Variants in PKD1L1 observed in about 807,000 individuals in gnomAD.
PKD1L1 encodes the protein polycystin 1 like 1, transient receptor potential channel interacting.
PKD1L1 carries 236 observed loss-of-function variants against 323.4 expected under a neutral mutation model. The observed-to-expected ratio is 0.73, with a 90% CI of 0.66 to 0.81. The LOEUF is 0.81. PKD1L1 is among the 40% of genes least tolerant of loss of function. The pLI is 0.00. For missense variants in PKD1L1, 3,320 were observed against 3,508.0 expected (o/e 0.95, Z 1.35); for synonymous variants, 1,344 against 1,335.0 (o/e 1.01, Z -0.15).
At chr7:47,959,742 A>G in the PKD1L1 span, among the ~76,000 whole-genome samples, 3 of 131,310 alleles carry the variant, frequency 2.3e-5, no homozygotes, top group Non-Finnish European at 3.3e-5. Flanking sequence ...TCCGGGAGGG[A>G]GGTGGAGGGG....
chr7:47,908,308 T>G (rs1787251800), intron 8 of PKD1L1, 58 bp from the exon 9 acceptor site: 2 of 1,499,652 alleles, frequency 1.3e-6, no homozygotes, highest in East Asian at 4.5e-5. Flanking sequence ...GCATAACAGT[T>G]AACATTTGTA....
intron 1 of PKD1L1, among the ~76,000 whole-genome samples, chr7:47,947,484 C>A (rs1298754468): frequency 6.6e-6 from 1 of 152,186 alleles, no homozygotes. Context: ...ACAGCGGTGA[C>A]CCACCTGGGT....
At chr7:47,857,947 G>C (rs1785942399) in intron 27 of PKD1L1, 115 bp from the exon 28 acceptor site, 2 of 976,472 alleles carry the variant, frequency 2.0e-6, no homozygotes, top group Non-Finnish European at 3.0e-6. Context: ...AAGTTAGATT[G>C]GATGGCAGGA....
chr7:47,853,378 T>C (rs183858649), intron 30 of PKD1L1, 151 bp from the exon 31 acceptor site: 1 of 623,122 alleles, frequency 1.6e-6, no homozygotes, highest in African/African-American at 1.8e-5. Context: ...TCAATGTGCT[T>C]AATTCCACAA....
intron 19 of PKD1L1, 112 bp downstream of exon 19, chr7:47,884,486 T>A (rs2128747500): frequency 2.1e-6 from 2 of 932,152 alleles, no homozygotes; most frequent in East Asian, 5.1e-5. Context: ...TCCCTGTGAT[T>A]CTGTGGAGCT....
At chr7:47,823,208 C>A (rs193010780) in intron 45 of PKD1L1, among the ~76,000 whole-genome samples, 10 of 152,244 alleles carry the variant, frequency 6.6e-5, no homozygotes, top group African/African-American at 2.4e-4. Context: ...TTCATAGATA[C>A]CCTTTATTAG....
rs1304015409 is a variant in PKD1L1, at chr7:47,885,811, A to G, written c.3080T>C (p.Val1027Ala). 1.2e-6 allele frequency: 2 copies of G among 1,614,034 alleles called. No homozygotes were observed. Among genetic ancestry groups the G allele is most frequent in the Non-Finnish European group, 1.7e-6 (2 of 1,180,028 alleles). ...YWIPPAGDSA[V>A]LGEAPEEGSL... Reference sequence around the variant, plus strand: ...ACCTTCCTCTGGAGCCTCCCCCAGGACTGCAGAGTCCCCCGCAGGAGGAAT... The same window carrying G: ...ACCTTCCTCTGGAGCCTCCCCCAGGGCTGCAGAGTCCCCCGCAGGAGGAAT... Residue 1027 changes from valine (V) to alanine (A), a missense_variant, in exon 18 of 57, where the codon GTC becomes GCC. Physicochemically the swap from Val to Ala is moderately conservative, Grantham distance 64. Coordinates refer to ENST00000289672, the MANE Select transcript of PKD1L1 (RefSeq NM_138295.5).
intron 24 of PKD1L1, among the ~76,000 whole-genome samples, chr7:47,867,531 A>G (rs1012467252): frequency 1.3e-5 from 2 of 152,244 alleles, no homozygotes; most frequent in African/African-American, 4.8e-5. Context: ...CCAGTTATCA[A>G]TGAAAAATTA....
intron 3 of PKD1L1, among the ~76,000 whole-genome samples, chr7:47,937,381 T>C (rs1291910559): frequency 6.6e-6 from 1 of 152,034 alleles, no homozygotes; most frequent in Non-Finnish European, 1.5e-5. Flanking sequence ...GAGGCACACC[T>C]GCTTCACTGC....
At position 47,812,012 on chromosome 7, in the gene PKD1L1, G is replaced by T. The variant is rs1394786447; in HGVS notation, c.7386C>A (p.Ser2462Arg). The T allele has an allele frequency of 2.5e-6, 4 of 1,581,628 alleles. No individual in the cohort carries two copies. Among genetic ancestry groups the T allele is most frequent in the Non-Finnish European group, 3.4e-6 (4 of 1,163,676 alleles). Residue 2462 changes from serine (S) to arginine (R), a missense_variant, in exon 50 of 57, where the codon AGC becomes AGA. By Grantham distance (110) the Ser-to-Arg change is moderately radical. Coordinates refer to ENST00000289672, the MANE Select transcript of PKD1L1 (RefSeq NM_138295.5). ...AHTALSRLRA[S>R]MWIDRSTRAV... The stretch of plus-strand genomic sequence containing the variant: ...CCCTGGTGCTGCGGTCAATCCACAT[G>T]CTGGCCCTGAGTCGGGACAGGGCTG...
Position 47,877,632 on chromosome 7 carries a change from C to T in PKD1L1, c.3521-1G>A. On this transcript the variant is annotated splice_acceptor_variant, in intron 21 of 56. Coordinates refer to ENST00000289672, the MANE Select transcript of PKD1L1 (RefSeq NM_138295.5). LOFTEE classifies it high-confidence loss of function. Reference sequence around the variant, plus strand: ...TTACCCAGTAAGCCATGCTTCGAAGCTAAAGAGAAAGATGAAGCAGCGGTT... The same window carrying T: ...TTACCCAGTAAGCCATGCTTCGAAGTTAAAGAGAAAGATGAAGCAGCGGTT... 1 of 1,613,156 alleles carries T rather than the reference C, an allele frequency of 6.2e-7. No individual in the cohort carries two copies. Among genetic ancestry groups the T allele is most frequent in the Non-Finnish European group, 8.5e-7 (1 of 1,179,494 alleles).
chr7:47,907,613 A>C (rs1175195634), intron 9 of PKD1L1, among the ~76,000 whole-genome samples: 1 of 152,176 alleles, frequency 6.6e-6, no homozygotes, highest in Non-Finnish European at 1.5e-5. Flanking sequence ...CTCAGTGAGC[A>C]CCGGATGCTT....
At chr7:47,817,158 G>A (rs532414818) in intron 46 of PKD1L1, among the ~76,000 whole-genome samples, 20 of 152,284 alleles carry the variant, frequency 1.3e-4, no homozygotes, top group Non-Finnish European at 2.4e-4. Context: ...TTGAACCCAG[G>A]AGGCAGAGGT....
intron 22 of PKD1L1, 60 bp from the exon 23 acceptor site, chr7:47,876,277 C>A: frequency 6.4e-7 from 1 of 1,554,880 alleles, no homozygotes; most frequent in Non-Finnish European, 8.8e-7. Context: ...AATGATATCA[C>A]AATACATACA....
chr7:47,882,304 C>T (rs978676811), intron 19 of PKD1L1, among the ~76,000 whole-genome samples: 14 of 139,666 alleles, frequency 1.0e-4, no homozygotes, highest in Non-Finnish European at 2.2e-4. Flanking sequence ...CTCCCTCCCT[C>T]CCTTCCTATC....
At chr7:47,915,034 A>G (rs954412007) in intron 8 of PKD1L1, among the ~76,000 whole-genome samples, 10 of 152,250 alleles carry the variant, frequency 6.6e-5, no homozygotes, top group African/African-American at 2.4e-4. Context: ...CATTAAAACT[A>G]GAAATTAATA....
intron 24 of PKD1L1, among the ~76,000 whole-genome samples, chr7:47,871,282 A>C (rs894962452): frequency 6.6e-6 from 1 of 152,188 alleles, no homozygotes; most frequent in Non-Finnish European, 1.5e-5. Flanking sequence ...AAAATACCTG[A>C]GACTGGGTAA....
chr7:47,899,260 G>C (rs1787024762), intron 13 of PKD1L1, among the ~76,000 whole-genome samples: 1 of 152,122 alleles, frequency 6.6e-6, no homozygotes, highest in African/African-American at 2.4e-5. Context: ...TATGACCCTG[G>C]TAGTCTTTTA....
intron 16 of PKD1L1, among the ~76,000 whole-genome samples, chr7:47,889,219 A>T (rs1236902120): frequency 6.6e-6 from 1 of 152,134 alleles, no homozygotes; most frequent in South Asian, 2.1e-4. Context: ...ATAGGCCTGG[A>T]CCTTCCTGAC....
Sources: gnomAD v4.1 joint callset for allele counts (sites outside exome capture counted in the v4.1 genomes callset) on GRCh38, gnomAD v4.1.1 for gene constraint, MANE v1.5 for transcripts, NCBI Gene and HGNC (gene_info 2026-07-23, HGNC 2026-07-21) for gene names.